Variants in LPP observed in about 807,000 individuals in gnomAD.
LPP encodes lipoma-preferred partner.
LPP carries 38 observed loss-of-function variants against 60.4 expected under a neutral mutation model. That is an observed-to-expected ratio of 0.63 (90% CI 0.49 to 0.83). The LOEUF (loss-of-function observed/expected upper bound fraction) is 0.83, where lower values mean the gene tolerates loss of function less well. LPP is among the 40% of genes least tolerant of loss of function. The probability of loss-of-function intolerance (pLI) is 0.00; values close to 1 mark genes in which losing one functional copy is unlikely to be tolerated. For missense variants in LPP, 902 were observed against 783.6 expected, an observed-to-expected ratio of 1.15 and a Z score of -1.80; for synonymous variants, 328 against 290.8, an observed-to-expected ratio of 1.13 and a Z score of -1.30.
chr3:188,290,072 A>G (rs1191027126), intron 2 of LPP, among the ~76,000 whole-genome samples: 1 of 151,962 alleles, frequency 6.6e-6, no homozygotes, highest in Non-Finnish European at 1.5e-5. Context: ...TCCCGGGTTC[A>G]AGTGATTCTC....
chr3:188,558,801 A>G (rs947872619), intron 6 of LPP, among the ~76,000 whole-genome samples: 5 of 152,114 alleles, frequency 3.3e-5, no homozygotes, highest in African/African-American at 7.2e-5. Context: ...TGGTCAAAAG[A>G]TGAATCTAAA....
At chr3:188,386,395 C>A (rs1361414512) in intron 3 of LPP, among the ~76,000 whole-genome samples, 1 of 152,012 alleles carries the variant, frequency 6.6e-6, no homozygotes, top group Non-Finnish European at 1.5e-5. Context: ...AATATTACCT[C>A]CACTGGGACC....
chr3:188,402,823 A>G (rs1782560540), intron 3 of LPP, among the ~76,000 whole-genome samples: 1 of 152,240 alleles, frequency 6.6e-6, no homozygotes, highest in Admixed American at 6.5e-5. Flanking sequence ...AAAGTACTAA[A>G]GAGCCTAGAA....
chr3:188,679,079 C>T (rs1243252910), intron 7 of LPP, among the ~76,000 whole-genome samples: 7 of 152,110 alleles, frequency 4.6e-5, no homozygotes, highest in Non-Finnish European at 1.0e-4. Context: ...GGAGTCCCTG[C>T]CTAAGGAAGA....
chr3:188,288,262 A>G (rs898683698), intron 2 of LPP, among the ~76,000 whole-genome samples: 2 of 152,212 alleles, frequency 1.3e-5, no homozygotes, highest in African/African-American at 4.8e-5. Flanking sequence ...CTTGTGAGCG[A>G]CATTGGCTCA....
At chr3:188,164,272 C>G (rs957168873) in intron 1 of LPP, among the ~76,000 whole-genome samples, 5 of 152,124 alleles carry the variant, frequency 3.3e-5, no homozygotes, top group Non-Finnish European at 7.4e-5. Context: ...GTTCTCTGTT[C>G]ATGTGTGTAC....
chr3:188,863,025 A>G lies in LPP; in HGVS notation c.1411-3175A>G, dbSNP rs531860230. Among the ~76,000 whole-genome samples, 25 of 152,248 alleles carry G rather than the reference A, an allele frequency of 1.6e-4. 1 individual carries two copies. Among genetic ancestry groups the G allele is most frequent in the African/African-American group, 5.8e-4 (24 of 41,546 alleles). The stretch of plus-strand genomic sequence containing the variant: ...TGATCCTTACAATTTTACCATTAGC[A>G]ATTTCTAGAATTATCAGTGGAGGTG... On this transcript the variant is annotated intron_variant, in intron 9 of 11. Coordinates refer to ENST00000617246, the MANE Select transcript of LPP (RefSeq NM_001375462.1).
intron 3 of LPP, among the ~76,000 whole-genome samples, chr3:188,353,674 T>C (rs2150841579): frequency 6.6e-6 from 1 of 152,330 alleles, no homozygotes; most frequent in Non-Finnish European, 1.5e-5. Context: ...CTTCAGTCTT[T>C]TTATGTTGTA....
At chr3:188,482,916 A>C (rs1216623079) in intron 4 of LPP, among the ~76,000 whole-genome samples, 3 of 152,148 alleles carry the variant, frequency 2.0e-5, no homozygotes, top group Non-Finnish European at 4.4e-5. Flanking sequence ...ATTTATTAGA[A>C]ATGAAGATGG....
At chr3:188,546,411 AAC>A (rs35250892) in intron 6 of LPP, among the ~76,000 whole-genome samples, 8,289 of 152,158 alleles carry the variant, frequency 0.054, 752 homozygotes, top group African/African-American at 0.19. Flanking sequence ...ATAGGGAGGA[AAC>A]ACATGCAGGA....
At chr3:188,394,594 GT>G (rs1357349822) in intron 3 of LPP, among the ~76,000 whole-genome samples, 1 of 147,854 alleles carries the variant, frequency 6.8e-6, no homozygotes, top group Non-Finnish European at 1.5e-5. Flanking sequence ...ATGTATTTGT[GT>G]TTTATTTCCC....
chr3:188,610,957 A>G lies in LPP; in HGVS notation c.1113+1113A>G, dbSNP rs1843585676. Among the ~76,000 whole-genome samples, 1 of 152,182 alleles carries G rather than the reference A, an allele frequency of 6.6e-6. No homozygotes were observed. The highest frequency in any genetic ancestry group is 1.5e-5 in the Non-Finnish European group (1 of 68,034). On this transcript the variant is annotated intron_variant, in intron 7 of 11. Transcript: ENST00000617246. The surrounding 1 kb of genome is among the most constrained non-coding windows in gnomAD (Gnocchi z 4.4). Reference sequence around the variant, plus strand: ...GGGGATGGATTGGGTAGAAGTTTGGACTGTATTTTTAAAAATTCTTTCCAC... The same window carrying G: ...GGGGATGGATTGGGTAGAAGTTTGGGCTGTATTTTTAAAAATTCTTTCCAC...
At position 188,888,142 on chromosome 3, in the gene LPP, G is replaced by T; in HGVS notation, c.*13663G>T. ...CTGTATAATAAACCACTTTTGTTTT[G>T]TTTGTTTTGTCTTTTAACCTACACC... On this transcript the variant is annotated 3_prime_UTR_variant, in exon 12 of 12. Coordinates refer to ENST00000617246, the MANE Select transcript of LPP (RefSeq NM_001375462.1). The T allele has an allele frequency of 4.5e-6, 1 of 219,840 alleles. No individual in the cohort carries two copies. 13.6% of individuals were successfully genotyped at this position (219,840 alleles called of 1,614,324 possible). A position where few individuals can be genotyped will look rare whatever the true frequency, so the allele number is the denominator to read the frequency against.
intron 6 of LPP, among the ~76,000 whole-genome samples, chr3:188,580,637 T>G (rs929303840): frequency 6.6e-6 from 1 of 152,208 alleles, no homozygotes; most frequent in Non-Finnish European, 1.5e-5. Flanking sequence ...GGTCTACATA[T>G]TGGTCTTGCA....
At chr3:188,514,953 A>C (rs1313988327) in intron 5 of LPP, among the ~76,000 whole-genome samples, 1 of 152,146 alleles carries the variant, frequency 6.6e-6, no homozygotes, top group Non-Finnish European at 1.5e-5. Flanking sequence ...TTTCCTTTAA[A>C]GGAGATTTGG....
intron 2 of LPP, among the ~76,000 whole-genome samples, chr3:188,287,996 A>C (rs1363157373): frequency 6.6e-6 from 1 of 152,230 alleles, no homozygotes; most frequent in Non-Finnish European, 1.5e-5. Flanking sequence ...AGCAACAATA[A>C]AAAAATCAGC....
At chr3:188,738,434 A>G (rs962711665) in intron 8 of LPP, among the ~76,000 whole-genome samples, 3 of 152,158 alleles carry the variant, frequency 2.0e-5, no homozygotes, top group African/African-American at 7.2e-5. Context: ...AACAGAGCCA[A>G]ATTTTAAAGG....
chr3:188,871,880 T>G (rs1768184194), intron 10 of LPP, among the ~76,000 whole-genome samples: 2 of 152,200 alleles, frequency 1.3e-5, no homozygotes, highest in Non-Finnish European at 2.9e-5. Flanking sequence ...TAAAAGTATT[T>G]ACCAGCAGCC....
At chr3:188,693,734 T>C (rs1006666628) in intron 7 of LPP, among the ~76,000 whole-genome samples, 2 of 152,192 alleles carry the variant, frequency 1.3e-5, no homozygotes, top group African/African-American at 4.8e-5. Context: ...GCAATGATTT[T>C]CACTTTATAG....
Sources: allele counts gnomAD v4.1 joint callset (sites outside exome capture counted in the v4.1 genomes callset), GRCh38; gene constraint gnomAD v4.1.1; non-coding constraint Gnocchi (gnomAD v3.1); transcripts MANE v1.5; gene names NCBI Gene and HGNC (gene_info 2026-07-23, HGNC 2026-07-21).